The following ARK2N variants were observed in gnomAD, a reference collection of about 807,000 sequenced individuals.
ARK2N encodes the protein arkadia (RNF111) N-terminal like PKA signaling regulator 2N, also known as protein ARK2N.
the ARK2N span, chr18:46,216,635 G>A: frequency 1.3e-5 from 20 of 1,499,882 alleles, no homozygotes; most frequent in African/African-American, 2.5e-4. This position sits in a 1 kb window ranked among gnomAD's most constrained non-coding sequence, Gnocchi z 4.3. Flanking sequence ...AGTACCTGAT[G>A]GCATTTCTCA....
the ARK2N span, chr18:46,263,476 T>C: frequency 5.3e-6 from 1 of 189,570 alleles, no homozygotes; most frequent in Non-Finnish European, 1.1e-5. Context: ...AATCTTGTAT[T>C]TATTTTTCTG....
the ARK2N span, chr18:46,216,043 A>G: frequency 1.1e-5 from 17 of 1,613,986 alleles, no homozygotes; most frequent in Admixed American, 3.3e-5. The surrounding 1 kb of genome is among the most constrained non-coding windows in gnomAD (Gnocchi z 4.3). Context: ...TATTTCTTCA[A>G]TGCCCTGCTT....
the ARK2N span, among the ~76,000 whole-genome samples, chr18:46,212,995 T>C: frequency 2.4e-5 from 3 of 122,630 alleles, no homozygotes; most frequent in African/African-American, 1.1e-4. Flanking sequence ...GAAGAATTTT[T>C]TTTTTTTTTT....
At chr18:46,183,117 TAGTC>T in the ARK2N span, among the ~76,000 whole-genome samples, 1 of 152,090 alleles carries the variant, frequency 6.6e-6, no homozygotes, top group South Asian at 2.1e-4. Context: ...TGTAATATGA[TAGTC>T]AGTGTTCAGA....
the ARK2N span, among the ~76,000 whole-genome samples, chr18:46,176,146 T>C: frequency 6.6e-6 from 1 of 152,228 alleles, no homozygotes; most frequent in Non-Finnish European, 1.5e-5. Context: ...GTCTCTTTAT[T>C]GTGTGACTAG....
chr18:46,188,204 A>G, the ARK2N span, among the ~76,000 whole-genome samples: 4 of 152,070 alleles, frequency 2.6e-5, no homozygotes, highest in Non-Finnish European at 5.9e-5. Flanking sequence ...AAAATCTTAT[A>G]TATATATATT....
At chr18:46,262,415 A>G in the ARK2N span, among the ~76,000 whole-genome samples, 8 of 152,202 alleles carry the variant, frequency 5.3e-5, no homozygotes, top group Non-Finnish European at 1.2e-4. Flanking sequence ...TCCTTTATTC[A>G]TGATCTATTA....
chr18:46,256,269 A>G, the ARK2N span, among the ~76,000 whole-genome samples: 2 of 152,238 alleles, frequency 1.3e-5, no homozygotes, highest in South Asian at 2.1e-4. Flanking sequence ...GTGCTAAGAC[A>G]TATCACTTGG....
chr18:46,216,127 C>T, the ARK2N span: 1 of 1,613,962 alleles, frequency 6.2e-7, no homozygotes, highest in Non-Finnish European at 8.5e-7. The surrounding 1 kb of genome is among the most constrained non-coding windows in gnomAD (Gnocchi z 4.3). Flanking sequence ...TACAACTGGC[C>T]GAGTTTATGA....
At chr18:46,187,097 G>A in the ARK2N span, among the ~76,000 whole-genome samples, 1 of 150,884 alleles carries the variant, frequency 6.6e-6, no homozygotes, top group South Asian at 2.1e-4. Context: ...CAGGCGATCC[G>A]CCCGCCTTGG....
At chr18:46,236,940 T>C in the ARK2N span, among the ~76,000 whole-genome samples, 2 of 151,298 alleles carry the variant, frequency 1.3e-5, no homozygotes, top group Non-Finnish European at 2.9e-5. Context: ...CTCAGCTCAC[T>C]GCAACCTCCG....
the ARK2N span, among the ~76,000 whole-genome samples, chr18:46,185,443 G>A: frequency 6.6e-6 from 1 of 152,150 alleles, no homozygotes; most frequent in Non-Finnish European, 1.5e-5. Flanking sequence ...TAATTGTTAG[G>A]TGTTAATTTT....
the ARK2N span, among the ~76,000 whole-genome samples, chr18:46,226,806 CTTT>C: frequency 6.7e-5 from 9 of 133,968 alleles, no homozygotes; most frequent in Admixed American, 1.5e-4. Context: ...ACTGGATTTA[CTTT>C]TTTTTTTTTT....
the ARK2N span, among the ~76,000 whole-genome samples, chr18:46,188,785 G>A: frequency 0.65 from 99,249 of 152,098 alleles, 33,621 homozygotes; most frequent in Non-Finnish European, 0.74. Flanking sequence ...GGCAGAGGCC[G>A]GGGGATCACT....
At chr18:46,190,164 A>AT in the ARK2N span, among the ~76,000 whole-genome samples, 72 of 152,296 alleles carry the variant, frequency 4.7e-4, no homozygotes, top group African/African-American at 1.7e-3. Flanking sequence ...CCTAAATAGA[A>AT]TTTTTTAGAG....
the ARK2N span, among the ~76,000 whole-genome samples, chr18:46,251,867 G>C: frequency 6.6e-6 from 1 of 152,162 alleles, no homozygotes; most frequent in Non-Finnish European, 1.5e-5. Context: ...GCTTCCAAAA[G>C]GTTTACACTC....
chr18:46,196,568 A>C, the ARK2N span, among the ~76,000 whole-genome samples: 1 of 152,206 alleles, frequency 6.6e-6, no homozygotes, highest in Non-Finnish European at 1.5e-5. Flanking sequence ...GCCGAGTTGT[A>C]AATGTTAAGC....
At chr18:46,179,840 G>A in the ARK2N span, among the ~76,000 whole-genome samples, 3 of 152,016 alleles carry the variant, frequency 2.0e-5, no homozygotes, top group Non-Finnish European at 4.4e-5. Flanking sequence ...AGTCAGGCTG[G>A]TCTCAAACTC....
At chr18:46,198,311 A>T in the ARK2N span, among the ~76,000 whole-genome samples, 1 of 23,144 alleles carries the variant, frequency 4.3e-5, no homozygotes, top group African/African-American at 1.3e-4. Context: ...CTCCATCTCC[A>T]AAAAAAAAAA....
Sources: gnomAD v4.1 joint callset for allele counts (sites outside exome capture counted in the v4.1 genomes callset) on GRCh38, gnomAD v4.1.1 for gene constraint, Gnocchi (gnomAD v3.1) non-coding constraint, MANE v1.5 for transcripts, NCBI Gene and HGNC (gene_info 2026-07-23, HGNC 2026-07-21) for gene names.